EDA: variants seen among roughly 807,000 people sequenced by gnomAD.
EDA encodes ectodysplasin A, also known as ectodysplasin-A.
In EDA, 2 loss-of-function variants were observed where a neutral mutation model predicts 23.6. The observed-to-expected ratio is 0.08, with a 90% CI of 0.03 to 0.27. The LOEUF is 0.27. Ranked by LOEUF, EDA falls within the 10% of genes least tolerant of loss-of-function variation. EDA has a pLI of 1.00. For missense variants in EDA, 229 were observed against 324.2 expected, an observed-to-expected ratio of 0.71 and a Z score of 2.26; for synonymous variants, 131 against 132.0, an observed-to-expected ratio of 0.99 and a Z score of 0.05.
intron 1 of EDA, among the ~76,000 whole-genome samples, chrX:69,803,859 A>C (rs1404528127): frequency 2.8e-5 from 3 of 108,509 alleles, no homozygotes; most frequent in Admixed American, 9.9e-5. Flanking sequence ...TCTACTTTCC[A>C]CTTTTATGAG....
chrX:69,747,264 T>C (rs190436873), intron 1 of EDA, among the ~76,000 whole-genome samples: 119 of 111,961 alleles, frequency 1.1e-3, no homozygotes, highest in African/African-American at 3.7e-3. Context: ...CTGAGACTTA[T>C]AGATGAGAAG....
intron 2 of EDA, among the ~76,000 whole-genome samples, chrX:70,019,877 T>G (rs1306071828): frequency 9.0e-6 from 1 of 111,701 alleles, no homozygotes. Context: ...AACCTGCACA[T>G]GTACCCCAGA....
At chrX:69,775,933 C>T (rs1023897556) in intron 1 of EDA, among the ~76,000 whole-genome samples, 17 of 111,714 alleles carry the variant, frequency 1.5e-4, no homozygotes, top group Non-Finnish European at 3.0e-4. Context: ...GATCCTAAAA[C>T]TTCAAAGAAT....
chrX:69,961,382 G>A (rs1335049745), intron 2 of EDA, among the ~76,000 whole-genome samples: 1 of 111,927 alleles, frequency 8.9e-6, no homozygotes, highest in African/African-American at 3.2e-5. Context: ...GAAACGGAAG[G>A]GATGTAGTGA....
chrX:69,682,676 C>T (rs181792258), intron 1 of EDA, among the ~76,000 whole-genome samples: 3 of 111,718 alleles, frequency 2.7e-5, no homozygotes, highest in Admixed American at 1.9e-4. Flanking sequence ...CGCCCTGCTT[C>T]GGCTCGCACA....
chrX:70,017,158 G>T (rs1299371348), intron 2 of EDA, among the ~76,000 whole-genome samples: 1 of 111,734 alleles, frequency 8.9e-6, no homozygotes, highest in Non-Finnish European at 1.9e-5. Flanking sequence ...ACTGAGCCAG[G>T]AAGAAATTGA....
intron 2 of EDA, among the ~76,000 whole-genome samples, chrX:70,013,594 C>T (rs1016649866): frequency 1.8e-5 from 2 of 111,108 alleles, no homozygotes; most frequent in Admixed American, 9.5e-5. Context: ...GAAAGGAGCC[C>T]AGTCTCTCTT....
At chrX:69,926,610 G>T (rs1212229715) in intron 1 of EDA, among the ~76,000 whole-genome samples, 2 of 112,145 alleles carry the variant, frequency 1.8e-5, no homozygotes, top group African/African-American at 6.5e-5. Context: ...GTGCCATGTG[G>T]CACTGAGAAG....
At chrX:70,022,163 A>G (rs1197495969) in intron 2 of EDA, among the ~76,000 whole-genome samples, 1 of 109,958 alleles carries the variant, frequency 9.1e-6, no homozygotes, top group East Asian at 2.8e-4. Context: ...GGAGCGACCT[A>G]AACTGTTTGG....
intron 1 of EDA, among the ~76,000 whole-genome samples, chrX:69,690,598 C>T (rs1934685963): frequency 9.0e-6 from 1 of 111,018 alleles, no homozygotes; most frequent in Admixed American, 9.6e-5. Context: ...CTATAGTTTT[C>T]TTGTGATATC....
At chrX:69,719,990 C>T (rs186426288) in intron 1 of EDA, among the ~76,000 whole-genome samples, 268 of 110,612 alleles carry the variant, frequency 2.4e-3, no homozygotes, top group African/African-American at 8.0e-3. Flanking sequence ...CCTCATAATC[C>T]GCCTGCCTCG....
intron 1 of EDA, among the ~76,000 whole-genome samples, chrX:69,762,292 T>C (rs1422034298): frequency 8.9e-6 from 1 of 111,920 alleles, no homozygotes. Context: ...TCAGTCCCCA[T>C]TCCCCTCTAC....
intron 1 of EDA, among the ~76,000 whole-genome samples, chrX:69,689,991 T>A (rs2147296189): frequency 8.9e-6 from 1 of 111,945 alleles, no homozygotes; most frequent in East Asian, 2.8e-4. Flanking sequence ...GAATTAGAGC[T>A]AATTTTTAAT....
chrX:70,000,095 A>G (rs983824687), intron 2 of EDA, among the ~76,000 whole-genome samples: 8 of 112,410 alleles, frequency 7.1e-5, no homozygotes, highest in Admixed American at 2.8e-4. Flanking sequence ...TATGATAAAG[A>G]ATATCTTGGC....
intron 1 of EDA, chrX:69,937,183 C>T: frequency 9.0e-7 from 1 of 1,109,764 alleles, no homozygotes; most frequent in Non-Finnish European, 1.2e-6. Flanking sequence ...TTGGCTTCTT[C>T]TTCATATGCA....
chrX:69,845,745 T>C (rs998204501), intron 1 of EDA, among the ~76,000 whole-genome samples: 10 of 111,755 alleles, frequency 8.9e-5, no homozygotes, highest in African/African-American at 3.3e-4. Context: ...TCCACCTTGC[T>C]CTTTCTTGGA....
At chrX:69,681,641 C>G (rs1384755358) in intron 1 of EDA, among the ~76,000 whole-genome samples, 4 of 109,695 alleles carry the variant, frequency 3.6e-5, no homozygotes, top group Non-Finnish European at 7.6e-5. Context: ...GCATTCTTCA[C>G]GTAGTTCTCG....
chrX:69,706,908 G>A (rs2011749237), intron 1 of EDA, among the ~76,000 whole-genome samples: 1 of 111,592 alleles, frequency 9.0e-6, no homozygotes, highest in Non-Finnish European at 1.9e-5. Flanking sequence ...AGTCTCTCAG[G>A]TTAAATTTTA....
intron 1 of EDA, among the ~76,000 whole-genome samples, chrX:69,940,466 G>A (rs757373927): frequency 0.012 from 323 of 26,572 alleles, 1 homozygote; most frequent in African/African-American, 0.036. Context: ...TATTACTTTA[G>A]GTCTTCTCTC....
Sources: allele counts gnomAD v4.1 joint callset (sites outside exome capture counted in the v4.1 genomes callset), GRCh38; gene constraint gnomAD v4.1.1; transcripts MANE v1.5; gene names NCBI Gene and HGNC (gene_info 2026-07-23, HGNC 2026-07-21).